COLEC10: variants seen among roughly 807,000 people sequenced by gnomAD.
COLEC10 encodes collectin-10.
In COLEC10, 22 loss-of-function variants were observed where a neutral mutation model predicts 28.4. The observed-to-expected ratio is 0.78, with a 90% CI of 0.55 to 1.11. The LOEUF (loss-of-function observed/expected upper bound fraction) is 1.11. Ranked by LOEUF, COLEC10 falls within the 50% of genes least tolerant of loss-of-function variation. The probability of loss-of-function intolerance (pLI) is 0.00; values close to 1 mark genes in which losing one functional copy is unlikely to be tolerated. For missense variants in COLEC10, 361 were observed against 344.1 expected, an observed-to-expected ratio of 1.05 and a Z score of -0.39; for synonymous variants, 125 against 116.1, an observed-to-expected ratio of 1.08 and a Z score of -0.49.
Position 119,019,492 on chromosome 8 carries a change from G to A in COLEC10, n.235+9939G>A, listed in dbSNP as rs1347017231. On this transcript the variant is annotated intron_variant and non_coding_transcript_variant, in intron 2 of 6. Transcript: ENST00000521788. ...CCATGGTCTTCCGTCTTCCTGGAAT[G>A]TCCTTTCCTTGTTTCCACATCATGC... 2.0e-5 allele frequency among the ~76,000 whole-genome samples: 3 copies of A among 152,132 alleles called. No individual in the cohort carries two copies. In the South Asian group the frequency reaches 6.2e-4, roughly 31 times the overall value.
At chr8:118,968,480 C>CAACAGG in the COLEC10 span, among the ~76,000 whole-genome samples, 1 of 151,982 alleles carries the variant, frequency 6.6e-6, no homozygotes, top group South Asian at 2.1e-4. Flanking sequence ...AGCTCCACAG[C>CAACAGG]AACAGGACCA....
At chr8:119,058,155 T>C (rs1025850721) in intron 2 of COLEC10, among the ~76,000 whole-genome samples, 4 of 152,058 alleles carry the variant, frequency 2.6e-5, no homozygotes, top group African/African-American at 9.7e-5. Context: ...AAAATACAAT[T>C]TGTCTACTTG....
At chr8:118,953,545 T>C in the COLEC10 span, among the ~76,000 whole-genome samples, 1 of 152,180 alleles carries the variant, frequency 6.6e-6, no homozygotes, top group Non-Finnish European at 1.5e-5. Flanking sequence ...AGTCCTTCAG[T>C]GTTAACCCTG....
chr8:119,081,007 C>T (rs771189058), intron 1 of COLEC10, among the ~76,000 whole-genome samples: 2 of 151,946 alleles, frequency 1.3e-5, no homozygotes, highest in Admixed American at 1.3e-4. Context: ...TATTTTTAAT[C>T]GGTCCCATGA....
chr8:119,037,881 T>G (rs866192475), intron 2 of COLEC10, among the ~76,000 whole-genome samples: 6 of 152,240 alleles, frequency 3.9e-5, no homozygotes, highest in African/African-American at 4.8e-5. Flanking sequence ...AATTGTACTT[T>G]TTTCTTGAAT....
At chr8:118,975,359 T>G in the COLEC10 span, among the ~76,000 whole-genome samples, 8 of 152,072 alleles carry the variant, frequency 5.3e-5, no homozygotes, top group African/African-American at 1.9e-4. Flanking sequence ...TCCCTCAACT[T>G]GTAAATTCTG....
At chr8:119,024,653 C>T (rs1814156916) in intron 2 of COLEC10, among the ~76,000 whole-genome samples, 1 of 152,010 alleles carries the variant, frequency 6.6e-6, no homozygotes, top group Non-Finnish European at 1.5e-5. Flanking sequence ...GGCAGAGGAC[C>T]CTTCATTGAA....
At chr8:118,960,867 T>C in the COLEC10 span, among the ~76,000 whole-genome samples, 1 of 149,308 alleles carries the variant, frequency 6.7e-6, no homozygotes, top group Non-Finnish European at 1.5e-5. Context: ...ACAATATGGA[T>C]CACCTGTGAA....
At chr8:119,085,611 T>C (rs1815463992) in intron 1 of COLEC10, among the ~76,000 whole-genome samples, 2 of 106,834 alleles carry the variant, frequency 1.9e-5, no homozygotes, top group Non-Finnish European at 4.3e-5. Context: ...TTTTTTTTTT[T>C]TTTTTTTTTT....
At chr8:118,956,895 G>A in the COLEC10 span, among the ~76,000 whole-genome samples, 2 of 152,072 alleles carry the variant, frequency 1.3e-5, no homozygotes, top group Non-Finnish European at 2.9e-5. Context: ...TCAATGAGGT[G>A]CTTCTATTTG....
rs1461112948 is a variant in COLEC10, at chr8:119,069,616, AAAAAAAAAAAAAAATATATATAT to A, written c.148+2189_148+2211del. Among the ~76,000 whole-genome samples, 7 of 67,296 alleles carry A rather than the reference AAAAAAAAAAAAAAATATATATAT, an allele frequency of 1.0e-4. 1 individual carries two copies. Among genetic ancestry groups the A allele is most frequent in the African/African-American group, 4.4e-4 (6 of 13,702 alleles). The allele number at this position is 67,296 out of a possible 152,430, so 44.1% of individuals were successfully genotyped here. The stretch of plus-strand genomic sequence containing the variant: ...GTGAGACCCCATCTCAAAAAAAAAA[AAAAAAAAAAAAAAATATATATAT>A]ATATATATATATATATATATATGTA... On this transcript the variant is annotated intron_variant, in intron 1 of 5. Coordinates refer to ENST00000332843, the MANE Select transcript of COLEC10 (RefSeq NM_006438.5).
chr8:119,034,948 C>T (rs977262273), intron 2 of COLEC10, among the ~76,000 whole-genome samples: 1 of 152,086 alleles, frequency 6.6e-6, no homozygotes, highest in African/African-American at 2.4e-5. Flanking sequence ...GTTTAGTAAA[C>T]GGCAACTAAT....
chr8:119,102,222 C>G lies in COLEC10; in HGVS notation c.293-126C>G, dbSNP rs1815844329. The G allele has an allele frequency of 7.7e-5, 15 of 194,498 alleles. 2 individuals are homozygous for G. The highest frequency in any genetic ancestry group is 7.3e-4 in the South Asian group (14 of 19,142). 12.0% of individuals were successfully genotyped at this position (194,498 alleles called of 1,614,324 possible). On this transcript the variant is annotated intron_variant, in intron 3 of 5. Transcript: ENST00000332843. The stretch of plus-strand genomic sequence containing the variant: ...TAAATTCACTCCTTCCTCCCTCCCT[C>G]CCTCCCTCCCTCCCTCCCTCCTTCC...
the COLEC10 span, among the ~76,000 whole-genome samples, chr8:118,958,536 C>T: frequency 6.6e-6 from 1 of 152,168 alleles, no homozygotes; most frequent in Non-Finnish European, 1.5e-5. Context: ...AAGAAAAAGC[C>T]TCACGGCTGA....
At chr8:118,985,005 A>G in the COLEC10 span, among the ~76,000 whole-genome samples, 2 of 152,202 alleles carry the variant, frequency 1.3e-5, no homozygotes, top group Middle Eastern at 3.4e-3. Context: ...TGGTAATTCA[A>G]TCATTTTCCA....
chr8:118,991,969 T>C (rs561216276), upstream of COLEC10, among the ~76,000 whole-genome samples: 1 of 152,224 alleles, frequency 6.6e-6, no homozygotes, highest in Non-Finnish European at 1.5e-5. Flanking sequence ...TGTACATTCT[T>C]CTTGTAGGAG....
At chr8:118,983,682 C>A in the COLEC10 span, among the ~76,000 whole-genome samples, 1 of 151,996 alleles carries the variant, frequency 6.6e-6, no homozygotes, top group Admixed American at 6.6e-5. Flanking sequence ...AGGATATGAA[C>A]AGATACTTTT....
chr8:119,092,615 A>C (rs897719772), intron 3 of COLEC10, among the ~76,000 whole-genome samples: 1 of 152,162 alleles, frequency 6.6e-6, no homozygotes, highest in Non-Finnish European at 1.5e-5. Flanking sequence ...TTTCTTAAAA[A>C]GAATTAGAGG....
upstream of COLEC10, among the ~76,000 whole-genome samples, chr8:118,993,040 T>C (rs1056502300): frequency 3.3e-5 from 5 of 152,086 alleles, no homozygotes; most frequent in Admixed American, 3.3e-4. Context: ...TGCAGGGAGG[T>C]TTAAACAAAA....
Sources: allele counts gnomAD v4.1 joint callset (sites outside exome capture counted in the v4.1 genomes callset), GRCh38; gene constraint gnomAD v4.1.1; transcripts MANE v1.5; gene names NCBI Gene and HGNC (gene_info 2026-07-23, HGNC 2026-07-21).